Variants in SCAPER observed in about 807,000 individuals in gnomAD.
SCAPER encodes S-phase cyclin A associated protein in the ER.
Under a neutral mutation model 182.2 loss-of-function variants are expected in SCAPER, and 98 were observed. That is an observed-to-expected ratio of 0.54 (90% CI 0.46 to 0.64). The LOEUF is 0.64. Among genes scored for constraint, SCAPER ranks in the 30% least tolerant of loss-of-function variants. The pLI, the probability that SCAPER is intolerant of heterozygous loss-of-function variation, is 0.00. For missense variants in SCAPER, 1,432 were observed against 1,690.0 expected (o/e 0.85, Z 2.68); for synonymous variants, 605 against 564.6 (o/e 1.07, Z -1.01).
chr15:76,362,978 G>GT (rs1226100667), intron 29 of SCAPER, among the ~76,000 whole-genome samples: 32 of 152,082 alleles, frequency 2.1e-4, no homozygotes, highest in Admixed American at 1.4e-3. Flanking sequence ...TTTATTAGTT[G>GT]TTTTTTACCC....
rs112512619 is a variant in SCAPER at position 76,876,023 on chromosome 15, G to C, written c.6+7789C>G. Among the ~76,000 whole-genome samples, 501 of 152,294 alleles carry C rather than the reference G, an allele frequency of 3.3e-3. 1 individual carries two copies. The highest frequency in any genetic ancestry group is 4.3e-3 in the Non-Finnish European group (291 of 68,018). Reference sequence around the variant, plus strand: ...CGAGAAATCGAGCGCAGCGCCAGTCGGCCGGCACTGCTGGGGGACCCAGCG... The same window carrying C: ...CGAGAAATCGAGCGCAGCGCCAGTCCGCCGGCACTGCTGGGGGACCCAGCG... On this transcript the variant is annotated intron_variant, in intron 2 of 31. Coordinates refer to ENST00000563290, the MANE Select transcript of SCAPER (RefSeq NM_020843.4).
chr15:76,883,904 G>C, intron 1 of SCAPER, 28 bp from the exon 2 acceptor site: 1 of 964,766 alleles, frequency 1.0e-6, no homozygotes, highest in Non-Finnish European at 1.5e-6. Flanking sequence ...TATACGCTTA[G>C]TTATAACATT....
At chr15:76,792,241 T>C (rs11634428) in intron 8 of SCAPER, among the ~76,000 whole-genome samples, 32,959 of 151,992 alleles carry the variant, frequency 0.22, 4,418 homozygotes, top group East Asian at 0.48. Context: ...TCTTCTCCCA[T>C]TGAACTTCCA....
intron 1 of SCAPER, among the ~76,000 whole-genome samples, chr15:76,891,475 C>T (rs1478098870): frequency 6.6e-6 from 1 of 152,220 alleles, no homozygotes; most frequent in East Asian, 1.9e-4. Flanking sequence ...AGTAACGTCT[C>T]AGGATATAAA....
At chr15:76,373,806 G>A (rs1239485708) in intron 29 of SCAPER, among the ~76,000 whole-genome samples, 3 of 152,162 alleles carry the variant, frequency 2.0e-5, no homozygotes, top group African/African-American at 7.2e-5. Context: ...GGTATCAGAG[G>A]CATCAACAAT....
At chr15:76,827,953 A>G (rs2151694033) in intron 5 of SCAPER, among the ~76,000 whole-genome samples, 1 of 152,262 alleles carries the variant, frequency 6.6e-6, no homozygotes, top group East Asian at 1.9e-4. Flanking sequence ...GCTTTAAGGG[A>G]TAATTGGGCC....
At chr15:76,804,806 A>C (rs545950686) in intron 5 of SCAPER, among the ~76,000 whole-genome samples, 173 bp from the exon 6 acceptor site, 1 of 152,326 alleles carries the variant, frequency 6.6e-6, no homozygotes, top group East Asian at 1.9e-4. Context: ...ATAATAAGAA[A>C]TATAATAGGT....
At chr15:76,664,072 A>C (rs903266830) in intron 21 of SCAPER, among the ~76,000 whole-genome samples, 6 of 152,294 alleles carry the variant, frequency 3.9e-5, no homozygotes, top group African/African-American at 1.4e-4. Flanking sequence ...GAAGCAAGGA[A>C]GCCAGCTGTA....
chr15:76,697,231 G>A (rs1400973343), intron 20 of SCAPER, among the ~76,000 whole-genome samples: 3 of 152,154 alleles, frequency 2.0e-5, no homozygotes, highest in African/African-American at 7.2e-5. Context: ...AAACTTCCAT[G>A]AGAGTAGTAG....
chr15:76,608,758 C>A (rs1367371494), intron 22 of SCAPER, among the ~76,000 whole-genome samples: 1 of 152,218 alleles, frequency 6.6e-6, no homozygotes, highest in Non-Finnish European at 1.5e-5. Context: ...TGCTGCCTTG[C>A]AGTTTGGTCT....
At chr15:76,889,708 A>G (rs958754448) in intron 1 of SCAPER, among the ~76,000 whole-genome samples, 1 of 152,196 alleles carries the variant, frequency 6.6e-6, no homozygotes, top group Middle Eastern at 3.2e-3. Flanking sequence ...TTAGACTCCC[A>G]CACAATAATA....
At chr15:76,648,351 A>G (rs1452139045) in intron 21 of SCAPER, among the ~76,000 whole-genome samples, 2 of 152,186 alleles carry the variant, frequency 1.3e-5, no homozygotes, top group African/African-American at 4.8e-5. Context: ...ACACAGAACT[A>G]TCTAAACTAG....
chr15:76,654,465 G>A (rs2055448060), intron 21 of SCAPER, among the ~76,000 whole-genome samples: 1 of 152,024 alleles, frequency 6.6e-6, no homozygotes, highest in Non-Finnish European at 1.5e-5. Flanking sequence ...TTACCACAAA[G>A]TCAAATAACA....
intron 2 of SCAPER, among the ~76,000 whole-genome samples, chr15:76,879,708 C>T (rs977102764): frequency 2.0e-5 from 3 of 152,152 alleles, no homozygotes; most frequent in African/African-American, 7.2e-5. Context: ...AGAGAGTATT[C>T]CTCTTAGCCC....
intron 29 of SCAPER, among the ~76,000 whole-genome samples, chr15:76,364,898 G>A (rs963542045): frequency 1.3e-5 from 2 of 152,016 alleles, no homozygotes; most frequent in African/African-American, 4.8e-5. Context: ...CTTAGCTCTT[G>A]TTTCTCCTAC....
chr15:76,577,440 C>CTG (rs2047921047), intron 22 of SCAPER, among the ~76,000 whole-genome samples: 1 of 152,022 alleles, frequency 6.6e-6, no homozygotes, highest in Non-Finnish European at 1.5e-5. Context: ...AAGCAATACC[C>CTG]TGTTTCAAAA....
chr15:76,706,060 G>C lies in SCAPER; in HGVS notation c.2166-76C>G, dbSNP rs559415039. Reference sequence around the variant, plus strand: ...CTCATGAGACTCAAAAATACAATTAGGACACATAGGGTCATATAGTCTAAA... The same window carrying C: ...CTCATGAGACTCAAAAATACAATTACGACACATAGGGTCATATAGTCTAAA... On this transcript the variant is annotated intron_variant, in intron 17 of 31. Coordinates refer to ENST00000563290, the MANE Select transcript of SCAPER (RefSeq NM_020843.4). 1.5e-5 allele frequency: 17 copies of C among 1,122,892 alleles called. No homozygotes were observed. In the African/African-American group the frequency reaches 1.6e-4, roughly 10 times the overall value. 69.6% of individuals were successfully genotyped at this position (1,122,892 alleles called of 1,614,324 possible). A position where few individuals can be genotyped will look rare whatever the true frequency, so the allele number is the denominator to read the frequency against.
At position 76,354,173 on chromosome 15, in the gene SCAPER, G is replaced by A. The variant is rs565954952; in HGVS notation, c.3856-33C>T. On this transcript the variant is annotated intron_variant, in intron 29 of 31. Coordinates refer to ENST00000563290, the MANE Select transcript of SCAPER (RefSeq NM_020843.4). The surrounding 1 kb of genome is among the most constrained non-coding windows in gnomAD (Gnocchi z 4.4). The stretch of plus-strand genomic sequence containing the variant: ...GGAAGAGCAGCCCAGGTCAGCTGCC[G>A]AAACGCCCCAGCCTGTCCCTCACCC... The A allele has an allele frequency of 6.6e-5, 105 of 1,582,336 alleles. No individual in the cohort carries two copies. The highest frequency in any genetic ancestry group is 8.1e-5 in the Non-Finnish European group (95 of 1,169,040).
intron 14 of SCAPER, among the ~76,000 whole-genome samples, chr15:76,754,969 T>C (rs2062328238): frequency 6.6e-6 from 1 of 152,104 alleles, no homozygotes; most frequent in African/African-American, 2.4e-5. Context: ...CAATAATCCA[T>C]CATACAAATG....
Sources: allele counts gnomAD v4.1 joint callset (sites outside exome capture counted in the v4.1 genomes callset), GRCh38; gene constraint gnomAD v4.1.1; non-coding constraint Gnocchi (gnomAD v3.1); transcripts MANE v1.5; gene names NCBI Gene and HGNC (gene_info 2026-07-23, HGNC 2026-07-21).